Variants in NFIX observed in about 807,000 individuals in gnomAD.
The protein encoded by NFIX is nuclear factor 1 X-type.
In NFIX, 2 loss-of-function variants were observed where a neutral mutation model predicts 53.3. The observed-to-expected ratio is 0.04, with a 90% CI of 0.02 to 0.12. NFIX has a LOEUF of 0.12. Ranked by LOEUF, NFIX falls within the 10% of genes least tolerant of loss-of-function variation. The probability of loss-of-function intolerance (pLI) is 1.00; values close to 1 mark genes in which losing one functional copy is unlikely to be tolerated. For missense variants in NFIX, 310 were observed against 674.5 expected (o/e 0.46, Z 5.99); for synonymous variants, 244 against 289.0 (o/e 0.84, Z 1.58).
In NFIX at chr19:13,022,184, C is replaced by T. The variant is rs1012022933; in HGVS notation, c.28-2837C>T. ...CGGGTCTGGCTGTTGTTTGTGGCTG[C>T]GTGTAGAGCTTGTCAGGCGGAGTGC... On this transcript the variant is annotated intron_variant, in intron 1 of 10. Transcript: ENST00000592199. This position sits in a 1 kb window ranked among gnomAD's most constrained non-coding sequence, Gnocchi z 4.5. Among the ~76,000 whole-genome samples the T allele has an allele frequency of 1.3e-5, 2 of 152,118 alleles. No individual in the cohort carries two copies. The highest frequency in any genetic ancestry group is 2.4e-5 in the African/African-American group (1 of 41,402).
chr19:13,012,733 T>G lies in NFIX; in HGVS notation c.28-12288T>G, dbSNP rs992083327. Among the ~76,000 whole-genome samples, 12 of 152,062 alleles carry G rather than the reference T, an allele frequency of 7.9e-5. No individual in the cohort carries two copies. The highest frequency in any genetic ancestry group is 1.5e-4 in the Non-Finnish European group (10 of 68,030). On this transcript the variant is annotated intron_variant, in intron 1 of 10. Coordinates refer to ENST00000592199, the MANE Select transcript of NFIX (RefSeq NM_001365902.3). The surrounding 1 kb of genome is among the most constrained non-coding windows in gnomAD (Gnocchi z 5.0). ...ATGATTGCTGTGATTCTTTGGGTGC[T>G]TGGGAGAGTTTGGGGTTTAACTGCC...
intron 1 of NFIX, chr19:13,024,696 G>A (rs762474790): frequency 6.5e-7 from 1 of 1,536,462 alleles, no homozygotes; most frequent in South Asian, 1.2e-5. Flanking sequence ...TGTGTGGACG[G>A]CAACGTTGTC....
chr19:13,075,549 C>A lies in NFIX; in HGVS notation c.833C>A (p.Pro278His). 6.2e-7 allele frequency: 1 copy of A among 1,613,752 alleles called. No homozygotes were observed. Among genetic ancestry groups the A allele is most frequent in the Non-Finnish European group, 8.5e-7 (1 of 1,179,788 alleles). The change falls in exon 6 of 11, where the codon CCC becomes CAC. Residue 278 changes from proline to histidine, a missense_variant. By Grantham distance (77) the Pro-to-His change is moderately conservative (BLOSUM62 -2). Around this residue, in one of 5 missense-constraint regions of NFIX, gnomAD observed 164 missense variants for 284.4 expected, o/e 0.58. Coordinates refer to ENST00000592199, the MANE Select transcript of NFIX (RefSeq NM_001365902.3). ...SPPSTSTTKR[P>H]KSIDDSEMES... ...TTCTTCCCCAGCACCACCAAGCGCC[C>A]CAAGTCCATCGATGACAGTGAGATG...
intron 7 of NFIX, among the ~76,000 whole-genome samples, chr19:13,079,686 C>T (rs944072971): frequency 3.3e-5 from 5 of 152,168 alleles, no homozygotes; most frequent in Admixed American, 3.3e-4. Context: ...GTGGGGAGCC[C>T]AGGCCCTCTA....
intron 1 of NFIX, among the ~76,000 whole-genome samples, chr19:13,017,060 G>A (rs924392490): frequency 6.6e-6 from 1 of 152,180 alleles, no homozygotes; most frequent in African/African-American, 2.4e-5. Context: ...TCGTTAGGAC[G>A]TTGGGTCTGT....
intron 2 of NFIX, among the ~76,000 whole-genome samples, chr19:13,069,404 G>A (rs1435964783): frequency 6.6e-6 from 1 of 152,210 alleles, no homozygotes. Context: ...GATGGAGCCC[G>A]GCACCTGCCC....
rs1485772245 is a variant in NFIX at position 13,060,794 on chromosome 19, C to A, written c.560-12253C>A. Reference sequence around the variant, plus strand: ...GTCGGCCTCACCTCGGCTAACCTCCCAGCGGAACAAAGGGGCCTTTCTCCA... The same window carrying A: ...GTCGGCCTCACCTCGGCTAACCTCCAAGCGGAACAAAGGGGCCTTTCTCCA... On this transcript the variant is annotated intron_variant, in intron 2 of 10. Transcript: ENST00000592199. The surrounding 1 kb of genome is among the most constrained non-coding windows in gnomAD (Gnocchi z 4.3). 2.0e-5 allele frequency among the ~76,000 whole-genome samples: 3 copies of A among 151,764 alleles called. No homozygotes were observed. Among genetic ancestry groups the A allele is most frequent in the African/African-American group, 7.3e-5 (3 of 41,292 alleles).
rs1365796739 is a variant in NFIX at position 13,021,089 on chromosome 19, A to C, written c.28-3932A>C. ...CCATGCCAAATATAAACTCACTTGT[A>C]GTTTTTAATGACCTCATCTTGACTT... On this transcript the variant is annotated intron_variant, in intron 1 of 10. Coordinates refer to ENST00000592199, the MANE Select transcript of NFIX (RefSeq NM_001365902.3). This position sits in a 1 kb window ranked among gnomAD's most constrained non-coding sequence, Gnocchi z 4.2. 6.6e-6 allele frequency among the ~76,000 whole-genome samples: 1 copy of C among 152,208 alleles called. No homozygotes were observed. The highest frequency in any genetic ancestry group is 1.5e-5 in the Non-Finnish European group (1 of 68,040).
chr19:13,015,943 ATACTGG>A (rs1442064620), intron 1 of NFIX, among the ~76,000 whole-genome samples: 1 of 152,206 alleles, frequency 6.6e-6, no homozygotes, highest in Non-Finnish European at 1.5e-5. Flanking sequence ...GCATTTGATG[ATACTGG>A]TGTGACAAGG....
chr19:13,062,566 G>A (rs1029934406), intron 2 of NFIX, among the ~76,000 whole-genome samples: 2 of 152,250 alleles, frequency 1.3e-5, no homozygotes, highest in Admixed American at 1.3e-4. Flanking sequence ...GAGTGGCCTG[G>A]TGGCCAGGTC....
Position 13,088,196 on chromosome 19 carries a change from C to T in NFIX, c.1402+60C>T. 6.6e-7 allele frequency: 1 copy of T among 1,522,294 alleles called. No homozygotes were observed. Among genetic ancestry groups the T allele is most frequent in the Non-Finnish European group, 8.8e-7 (1 of 1,137,026 alleles). 94.3% of individuals were successfully genotyped at this position (1,522,294 alleles called of 1,614,324 possible). ...AGCGTCCCCGGCCCGTCCAAACAGT[C>T]TCCACTGCAAAAAGAAAAGCCTTCC... On this transcript the variant is annotated intron_variant, in intron 9 of 10. Coordinates refer to ENST00000592199, the MANE Select transcript of NFIX (RefSeq NM_001365902.3). This position sits in a 1 kb window ranked among gnomAD's most constrained non-coding sequence, Gnocchi z 5.9.
rs902621652 is a variant in NFIX, at chr19:13,072,037, G to A, written c.560-1010G>A. Among the ~76,000 whole-genome samples, 6 of 152,216 alleles carry A rather than the reference G, an allele frequency of 3.9e-5. No homozygotes were observed. Among genetic ancestry groups the A allele is most frequent in the East Asian group, 1.9e-4 (1 of 5,200 alleles). On this transcript the variant is annotated intron_variant, in intron 2 of 10. Coordinates refer to ENST00000592199, the MANE Select transcript of NFIX (RefSeq NM_001365902.3). The surrounding 1 kb of genome is among the most constrained non-coding windows in gnomAD (Gnocchi z 4.0). ...AAAGCCCTGGCCAATACCAAGGCAC[G>A]TTTTTCAGATGCCACCCCCATGTGG...
chr19:13,031,285 C>T (rs1426169768), intron 2 of NFIX, among the ~76,000 whole-genome samples: 1 of 152,056 alleles, frequency 6.6e-6, no homozygotes, highest in African/African-American at 2.4e-5. Context: ...TCACCTTTGT[C>T]GGAGCTTGAG....
rs1210455175 is a variant in NFIX at position 13,073,052 on chromosome 19, G to A, written c.565G>A (p.Gly189Arg). 4 of 1,613,790 alleles carry A rather than the reference G, an allele frequency of 2.5e-6. No homozygotes were observed. The highest frequency in any genetic ancestry group is 1.7e-5 in the Admixed American group (1 of 59,996). Residue 189 changes from glycine to arginine, a missense_variant, in exon 3 of 11, where the codon GGA becomes AGA. This residue lies in a region of NFIX where 164 missense variants were observed against 284.4 expected (regional missense o/e 0.58). Transcript: ENST00000592199. This position sits in a 1 kb window ranked among gnomAD's most constrained non-coding sequence, Gnocchi z 4.5. ...LAYFVHTPES[G>R]QSDSSNQQGD... is the part of the protein sequence containing the mutation. ...CCCTTTTGTGTCTCCTGCAGAATCC[G>A]GACAATCAGATAGTTCAAACCAGCA...
At chr19:13,004,347 C>T (rs1370556555) in intron 1 of NFIX, among the ~76,000 whole-genome samples, 1 of 152,122 alleles carries the variant, frequency 6.6e-6, no homozygotes, top group Admixed American at 6.5e-5. Flanking sequence ...CAGTGTCACA[C>T]ACACACACTC....
In NFIX at chr19:13,078,806, T is replaced by A; in HGVS notation, c.1078+71T>A. The A allele has an allele frequency of 6.6e-7, 1 of 1,516,748 alleles. No homozygotes were observed. Among genetic ancestry groups the A allele is most frequent in the Non-Finnish European group, 8.9e-7 (1 of 1,123,302 alleles). 94.0% of individuals were successfully genotyped at this position (1,516,748 alleles called of 1,614,324 possible). A position where few individuals can be genotyped will look rare whatever the true frequency, so the allele number is the denominator to read the frequency against. On this transcript the variant is annotated intron_variant, in intron 7 of 10. Coordinates refer to ENST00000592199, the MANE Select transcript of NFIX (RefSeq NM_001365902.3). The surrounding 1 kb of genome is among the most constrained non-coding windows in gnomAD (Gnocchi z 4.7). The stretch of plus-strand genomic sequence containing the variant: ...GAGTATCTAGGGGCAGCTGGCCAGG[T>A]GAAGGGGCCAGAGCTGACCCCGAGT...
At chr19:13,059,126 A>G (rs903690033) in intron 2 of NFIX, among the ~76,000 whole-genome samples, 2 of 152,190 alleles carry the variant, frequency 1.3e-5, no homozygotes, top group Admixed American at 1.3e-4. Context: ...ACTCACACAC[A>G]TAGACAAATC....
At chr19:13,039,836 A>G (rs1241312037) in intron 2 of NFIX, among the ~76,000 whole-genome samples, 14 of 152,090 alleles carry the variant, frequency 9.2e-5, no homozygotes, top group Admixed American at 9.2e-4. Flanking sequence ...CCATAAACCC[A>G]TTTTGAATAT....
In NFIX at chr19:13,036,897, C is replaced by T. The variant is rs556479952; in HGVS notation, c.559+11345C>T. On this transcript the variant is annotated intron_variant, in intron 2 of 10. Coordinates refer to ENST00000592199, the MANE Select transcript of NFIX (RefSeq NM_001365902.3). The surrounding 1 kb of genome is among the most constrained non-coding windows in gnomAD (Gnocchi z 4.7). ...GGTAGGAGGGACCTGCGGCCCCACC[C>T]GGACACATGACATCATTGTTTCCTT... is the stretch of plus-strand genomic sequence containing the variant. Among the ~76,000 whole-genome samples the T allele has an allele frequency of 2.6e-5, 4 of 152,228 alleles. No individual in the cohort carries two copies. Among genetic ancestry groups the T allele is most frequent in the Admixed American group, 2.0e-4 (3 of 15,298 alleles).
Sources: gnomAD v4.1 joint callset for allele counts (sites outside exome capture counted in the v4.1 genomes callset) on GRCh38, gnomAD v4.1.1 for gene constraint, gnomAD v4.1.1 regional missense constraint, Gnocchi (gnomAD v3.1) non-coding constraint, MANE v1.5 for transcripts, NCBI Gene and HGNC (gene_info 2026-07-23, HGNC 2026-07-21) for gene names.